The following RFX7 variants were observed in gnomAD, a reference collection of about 807,000 sequenced individuals.
RFX7 encodes the protein DNA-binding protein RFX7.
In RFX7, 26 loss-of-function variants were observed where a neutral mutation model predicts 111.8. The observed-to-expected ratio is 0.23, with a 90% CI of 0.17 to 0.32. The LOEUF (loss-of-function observed/expected upper bound fraction) is 0.32, where lower values mean the gene tolerates loss of function less well. RFX7 is among the 10% of genes least tolerant of loss of function. RFX7 has a pLI of 1.00. For synonymous variants in RFX7, 624 were observed against 624.4 expected, an observed-to-expected ratio of 1.00 and a Z score of 0.01; for missense variants, 1,573 against 1,772.9, an observed-to-expected ratio of 0.89 and a Z score of 2.02.
At chr15:56,109,696 T>G (rs1257710962) in intron 5 of RFX7, among the ~76,000 whole-genome samples, 1 of 141,972 alleles carries the variant, frequency 7.0e-6, no homozygotes, top group Non-Finnish European at 1.5e-5. Context: ...CTCTGCCCTG[T>G]CGCCCCGTCC....
At chr15:56,096,690 A>G (rs1201572139) in intron 9 of RFX7, 70 bp from the exon 10 acceptor site, 15 of 1,417,662 alleles carry the variant, frequency 1.1e-5, no homozygotes, top group Non-Finnish European at 1.0e-5. Context: ...GTATCTGTAT[A>G]TACTTTTAAG....
intron 3 of RFX7, among the ~76,000 whole-genome samples, chr15:56,177,182 T>A (rs2141125194): frequency 6.6e-6 from 1 of 152,244 alleles, no homozygotes. Context: ...CTACCTCATG[T>A]GTGTCACCAG....
intron 2 of RFX7, among the ~76,000 whole-genome samples, chr15:56,233,976 C>G (rs1567055788): frequency 6.6e-6 from 1 of 152,212 alleles, no homozygotes; most frequent in Non-Finnish European, 1.5e-5. Context: ...ATTGGCAAAG[C>G]TCACTGTCAT....
At position 56,095,228 on chromosome 15, in the gene RFX7, G is replaced by T. The variant is rs2041656748; in HGVS notation, c.2500C>A (p.Gln834Lys). The T allele has an allele frequency of 6.2e-7, 1 of 1,613,294 alleles. No homozygotes were observed. Among genetic ancestry groups the T allele is most frequent in the Admixed American group, 1.7e-5 (1 of 60,008 alleles). ...GATTCCTGTATCTGGCTATGTAGCT[G>T]CTGGCTATATGTGTCCTGTGGCATT... ...EGMPQDTYSQ[Q>K]LHSQIQESSL... Residue 834 changes from glutamine to lysine, a missense_variant, in exon 10 of 10, where the codon CAG becomes AAG. Gln to Lys is a moderately conservative substitution (Grantham distance 53). This residue lies in a region of RFX7 where 625 missense variants were observed against 632.2 expected (regional missense o/e 0.99). Transcript: ENST00000559447.
rs545668363 is a variant in RFX7 at position 56,139,391 on chromosome 15, C to T, written c.401+3387G>A. On this transcript the variant is annotated intron_variant, in intron 5 of 9. Coordinates refer to ENST00000559447, the MANE Select transcript of RFX7 (RefSeq NM_022841.7). The stretch of plus-strand genomic sequence containing the variant: ...TCATCATCCATCGCTGATACTCTTT[C>T]TTCCAGTTGATCGCATCGGCTCCTG... 9.7e-4 allele frequency among the ~76,000 whole-genome samples: 148 copies of T among 152,348 alleles called. 1 individual carries two copies. Among genetic ancestry groups the T allele is most frequent in the Non-Finnish European group, 1.6e-3 (106 of 68,040 alleles).
chr15:56,094,516 C>T lies in RFX7; in HGVS notation c.3212G>A (p.Gly1071Glu). ...GCCAGAAACTGATGAATTACCAACC[C>T]CACTATACCCATTATTCATCCATTC... ...KLEWMNNGYS[G>E]VGNSSVSGHG... Residue 1071 changes from glycine (G) to glutamate (E), a missense_variant, in exon 10 of 10, where the codon GGG (glycine) becomes GAG (glutamate). Gly to Glu is a moderately conservative substitution (Grantham distance 98, BLOSUM62 -2). Around this residue, in one of 7 missense-constraint regions of RFX7, gnomAD observed 411 missense variants for 478.1 expected, o/e 0.86. Transcript: ENST00000559447. 1 of 1,613,880 alleles carries T rather than the reference C, an allele frequency of 6.2e-7. No homozygotes were observed.
intron 2 of RFX7, among the ~76,000 whole-genome samples, chr15:56,188,541 A>T (rs2043065725): frequency 6.6e-6 from 1 of 152,300 alleles, no homozygotes; most frequent in Admixed American, 6.5e-5. Flanking sequence ...AGCCAGAAAA[A>T]AGTAACATTG....
chr15:56,172,675 C>T (rs941406006), intron 3 of RFX7, among the ~76,000 whole-genome samples: 5 of 152,074 alleles, frequency 3.3e-5, no homozygotes, highest in Admixed American at 3.3e-4. Context: ...TTCCTATTTT[C>T]TCAGAGAAGT....
At chr15:56,214,011 T>C (rs902177395) in intron 2 of RFX7, among the ~76,000 whole-genome samples, 3 of 152,188 alleles carry the variant, frequency 2.0e-5, no homozygotes, top group African/African-American at 7.2e-5. Flanking sequence ...ATATAGCCCA[T>C]TGCTGCCATT....
rs1236951650 is a variant in RFX7, at chr15:56,094,684, G to C, written c.3044C>G (p.Pro1015Arg). The stretch of plus-strand genomic sequence containing the variant: ...CGGATTCCTGCATTCAACAGGGCTG[G>C]GGGGGACACTACTGCTGCAGTTAGA... ...PHSNCSSSVP[P>R]SPVECRNPFA... Residue 1015 changes from proline to arginine, a missense_variant, in exon 10 of 10, where the codon CCC becomes CGC. This residue lies in a region of RFX7 where 625 missense variants were observed against 632.2 expected (regional missense o/e 0.99). Coordinates refer to ENST00000559447, the MANE Select transcript of RFX7 (RefSeq NM_022841.7). 6.2e-7 allele frequency: 1 copy of C among 1,613,910 alleles called. No individual in the cohort carries two copies. The highest frequency in any genetic ancestry group is 2.2e-5 in the East Asian group (1 of 44,878).
intron 2 of RFX7, among the ~76,000 whole-genome samples, chr15:56,230,954 T>C (rs12594121): frequency 0.13 from 19,811 of 151,982 alleles, 1,691 homozygotes; most frequent in East Asian, 0.44. Flanking sequence ...CAAAATTAGC[T>C]GGGTGTGGTG....
At chr15:56,146,319 C>G (rs1395623243) in intron 3 of RFX7, among the ~76,000 whole-genome samples, 1 of 152,070 alleles carries the variant, frequency 6.6e-6, no homozygotes, top group Non-Finnish European at 1.5e-5. Flanking sequence ...CTAGGCTGGT[C>G]TGGAATTCCT....
intron 2 of RFX7, among the ~76,000 whole-genome samples, chr15:56,229,369 C>T (rs183497317): frequency 2.6e-5 from 4 of 152,172 alleles, no homozygotes; most frequent in African/African-American, 9.6e-5. Context: ...AGGTTCACGC[C>T]ATTCTCCTAC....
chr15:56,124,963 T>C (rs1426382694), intron 5 of RFX7, among the ~76,000 whole-genome samples: 1 of 152,230 alleles, frequency 6.6e-6, no homozygotes, highest in Non-Finnish European at 1.5e-5. Context: ...CCCTATGTTT[T>C]CTTCTGCTAA....
intron 2 of RFX7, among the ~76,000 whole-genome samples, chr15:56,237,096 G>C (rs2043632137): frequency 6.6e-6 from 1 of 152,078 alleles, no homozygotes; most frequent in East Asian, 1.9e-4. Context: ...CTTTCATTGT[G>C]CTTTTGGTTT....
intron 2 of RFX7, among the ~76,000 whole-genome samples, chr15:56,203,563 C>G (rs1238946008): frequency 6.6e-5 from 10 of 152,118 alleles, no homozygotes; most frequent in Non-Finnish European, 2.9e-5. Context: ...TTAAGGCATT[C>G]TAAGTCACAG....
chr15:56,164,968 A>G (rs1243530408), intron 3 of RFX7, among the ~76,000 whole-genome samples: 1 of 152,184 alleles, frequency 6.6e-6, no homozygotes, highest in Non-Finnish European at 1.5e-5. Flanking sequence ...GACCAGTTTC[A>G]CAGAAGACAA....
chr15:56,157,010 T>C (rs2042661280), intron 3 of RFX7, among the ~76,000 whole-genome samples: 1 of 152,222 alleles, frequency 6.6e-6, no homozygotes, highest in Non-Finnish European at 1.5e-5. Flanking sequence ...CTAATGCTGG[T>C]CAGAGGATTA....
At chr15:56,100,032 G>C (rs1363869021) in intron 8 of RFX7, among the ~76,000 whole-genome samples, 3 of 152,214 alleles carry the variant, frequency 2.0e-5, no homozygotes, top group African/African-American at 7.2e-5. Flanking sequence ...GAGAAAGACA[G>C]CAGAGCAAAC....
Sources: allele counts gnomAD v4.1 joint callset (sites outside exome capture counted in the v4.1 genomes callset), GRCh38; gene constraint gnomAD v4.1.1; regional missense constraint gnomAD v4.1.1; transcripts MANE v1.5; gene names NCBI Gene and HGNC (gene_info 2026-07-23, HGNC 2026-07-21).